The following PCMTD1 variants were observed in gnomAD, a reference collection of about 807,000 sequenced individuals.
PCMTD1 encodes protein-L-isoaspartate (D-aspartate) O-methyltransferase domain containing 1, also known as protein-L-isoaspartate O-methyltransferase domain-containing protein 1.
Under a neutral mutation model 37.6 loss-of-function variants are expected in PCMTD1, and 12 were observed. The observed-to-expected ratio is 0.32, with a 90% CI of 0.20 to 0.52. The LOEUF is 0.52. Ranked by LOEUF, PCMTD1 falls within the 20% of genes least tolerant of loss-of-function variation. PCMTD1 has a pLI of 0.97. For synonymous variants in PCMTD1, 117 were observed against 135.8 expected, an observed-to-expected ratio of 0.86 and a Z score of 0.96; for missense variants, 235 against 421.3, an observed-to-expected ratio of 0.56 and a Z score of 3.87.
chr8:51,867,418 T>C (rs934118832), intron 1 of PCMTD1, among the ~76,000 whole-genome samples: 6 of 151,092 alleles, frequency 4.0e-5, no homozygotes, highest in Non-Finnish European at 7.4e-5. Context: ...TTATTCACAA[T>C]AGCCAAGATA....
chr8:51,869,155 G>A (rs925494674), intron 1 of PCMTD1, among the ~76,000 whole-genome samples: 7 of 152,116 alleles, frequency 4.6e-5, no homozygotes, highest in Admixed American at 1.3e-4. Context: ...GTAAATCGAC[G>A]TCTGTAGTGA....
intron 3 of PCMTD1, among the ~76,000 whole-genome samples, chr8:51,839,937 C>G (rs906097908): frequency 1.3e-5 from 2 of 152,172 alleles, no homozygotes; most frequent in Admixed American, 1.3e-4. Flanking sequence ...AAACTTCAGA[C>G]TTTTCCATTG....
At chr8:51,869,969 A>G (rs2038614921) in intron 1 of PCMTD1, among the ~76,000 whole-genome samples, 1 of 152,204 alleles carries the variant, frequency 6.6e-6, no homozygotes, top group Admixed American at 6.5e-5. Flanking sequence ...ACTTAAATCT[A>G]TTTAGGAAAG....
At chr8:51,856,861 G>A (rs1471988888) in intron 2 of PCMTD1, among the ~76,000 whole-genome samples, 1 of 152,214 alleles carries the variant, frequency 6.6e-6, no homozygotes, top group Non-Finnish European at 1.5e-5. Context: ...TGAGTACTGG[G>A]AGGGGATGCA....
At chr8:51,839,390 T>C in intron 3 of PCMTD1, 1 of 895,314 alleles carries the variant, frequency 1.1e-6, no homozygotes, top group South Asian at 5.1e-5. Flanking sequence ...CACACAGATA[T>C]CTCGGTTTAG....
chr8:51,869,314 A>G (rs533664721), intron 1 of PCMTD1, among the ~76,000 whole-genome samples: 2 of 152,266 alleles, frequency 1.3e-5, no homozygotes, highest in East Asian at 3.9e-4. Context: ...TCAATCATGG[A>G]AAAGTCAAAT....
chr8:51,867,931 CTGTGT>C (rs1169416598), intron 1 of PCMTD1, among the ~76,000 whole-genome samples: 1 of 152,028 alleles, frequency 6.6e-6, no homozygotes, highest in African/African-American at 2.4e-5. Flanking sequence ...TCACAATGCA[CTGTGT>C]TATCTGTGAT....
intron 1 of PCMTD1, among the ~76,000 whole-genome samples, chr8:51,877,755 G>A (rs2038733534): frequency 6.6e-6 from 1 of 152,020 alleles, no homozygotes; most frequent in Non-Finnish European, 1.5e-5. Flanking sequence ...AACTAAGGGG[G>A]AAAAAGATAC....
intron 3 of PCMTD1, among the ~76,000 whole-genome samples, chr8:51,834,971 T>G (rs767927896): frequency 3.9e-5 from 6 of 152,106 alleles, no homozygotes; most frequent in Non-Finnish European, 8.8e-5. Flanking sequence ...ACCTCACTGA[T>G]CACATTTTTC....
intron 3 of PCMTD1, among the ~76,000 whole-genome samples, chr8:51,836,113 T>C (rs1386543876): frequency 6.6e-6 from 1 of 152,180 alleles, no homozygotes; most frequent in African/African-American, 2.4e-5. Context: ...ACAACTGTGA[T>C]AAATGCTCTT....
At chr8:51,896,553 A>C (rs2039004463) in intron 1 of PCMTD1, among the ~76,000 whole-genome samples, 2 of 152,328 alleles carry the variant, frequency 1.3e-5, no homozygotes, top group South Asian at 4.1e-4. Context: ...ATTTACAATA[A>C]CATCCCAATT....
intron 4 of PCMTD1, among the ~76,000 whole-genome samples, chr8:51,832,480 AT>A (rs1402691399): frequency 5.4e-4 from 83 of 152,360 alleles, no homozygotes; most frequent in African/African-American, 1.6e-3. Flanking sequence ...CCCAAGATGT[AT>A]AAACTCCACA....
intron 3 of PCMTD1, among the ~76,000 whole-genome samples, chr8:51,838,004 T>TCTGAACTC (rs1563340198): frequency 1.3e-5 from 2 of 152,208 alleles, no homozygotes; most frequent in East Asian, 3.9e-4. Flanking sequence ...CCAGGCTGGT[T>TCTGAACTC]CTGAACTCCT....
In PCMTD1 at chr8:51,818,393, A is replaced by C. The variant is rs1402217041; in HGVS notation, c.*1958T>G. The C allele has an allele frequency of 1.3e-4, 20 of 151,180 alleles. No individual in the cohort carries two copies. Among genetic ancestry groups the C allele is most frequent in the African/African-American group, 4.8e-4 (20 of 41,334 alleles). The allele number at this position is 151,180 out of a possible 1,614,324, so 9.4% of individuals were successfully genotyped here. On this transcript the variant is annotated 3_prime_UTR_variant, in exon 6 of 6. Transcript: ENST00000522514. Reference sequence around the variant, plus strand: ...CTCCTGCATAGTAAAAGCATCATCTAAACAGCAGCTCCAACCAAAAAAAAA... The same window carrying C: ...CTCCTGCATAGTAAAAGCATCATCTCAACAGCAGCTCCAACCAAAAAAAAA...
chr8:51,899,176 C>T (rs1207758477), upstream of PCMTD1: 5 of 1,288,126 alleles, frequency 3.9e-6, no homozygotes, highest in African/African-American at 4.7e-5. Context: ...GGCCGGGAGA[C>T]GCCCCCATCT....
chr8:51,881,514 T>TATG (rs2129292292), intron 1 of PCMTD1, among the ~76,000 whole-genome samples: 1 of 152,314 alleles, frequency 6.6e-6, no homozygotes, highest in East Asian at 1.9e-4. Flanking sequence ...ATATTACAAA[T>TATG]ATGATAGCAT....
chr8:51,898,159 A>G (rs946301420), intron 1 of PCMTD1, among the ~76,000 whole-genome samples: 1 of 107,404 alleles, frequency 9.3e-6, no homozygotes, highest in African/African-American at 2.5e-5. Flanking sequence ...TCCGTAGCAA[A>G]TTCTTCTGAT....
intron 1 of PCMTD1, among the ~76,000 whole-genome samples, chr8:51,893,998 G>A (rs1216757689): frequency 6.6e-6 from 1 of 152,180 alleles, no homozygotes; most frequent in African/African-American, 2.4e-5. Context: ...AACTGTTAGA[G>A]TACTCAAAAC....
intron 2 of PCMTD1, among the ~76,000 whole-genome samples, chr8:51,851,638 T>C (rs559321034): frequency 7.2e-4 from 109 of 150,522 alleles, no homozygotes; most frequent in Non-Finnish European, 1.2e-3. Context: ...TTTAAACAGC[T>C]TCAGATTTTG....
Sources: allele counts gnomAD v4.1 joint callset (sites outside exome capture counted in the v4.1 genomes callset), GRCh38; gene constraint gnomAD v4.1.1; transcripts MANE v1.5; gene names NCBI Gene and HGNC (gene_info 2026-07-23, HGNC 2026-07-21).